Variants in HPCAL1 observed in about 807,000 individuals in gnomAD.
HPCAL1 encodes the protein hippocalcin like 1, also known as hippocalcin-like protein 1.
Under a neutral mutation model 17.1 loss-of-function variants are expected in HPCAL1, and 8 were observed. That is an observed-to-expected ratio of 0.47 (90% CI 0.27 to 0.84). The LOEUF is 0.84. HPCAL1 is among the 40% of genes least tolerant of loss of function. The pLI is 0.13. For synonymous variants in HPCAL1, 112 were observed against 111.4 expected (o/e 1.01, Z -0.03); for missense variants, 165 against 271.1 (o/e 0.61, Z 2.75).
At chr2:10,349,769 A>T (rs1357511108) in intron 1 of HPCAL1, among the ~76,000 whole-genome samples, 1 of 145,438 alleles carries the variant, frequency 6.9e-6, no homozygotes, top group Admixed American at 6.9e-5. Flanking sequence ...TTTCGTTTTG[A>T]CATAAAACGT....
chr2:10,325,737 T>C (rs1204886783), intron 1 of HPCAL1, among the ~76,000 whole-genome samples: 1 of 152,216 alleles, frequency 6.6e-6, no homozygotes, highest in African/African-American at 2.4e-5. Flanking sequence ...AGGTGCTTCA[T>C]CTTAAACATC....
At chr2:10,328,400 A>G (rs1228210830) in intron 1 of HPCAL1, among the ~76,000 whole-genome samples, 1 of 152,278 alleles carries the variant, frequency 6.6e-6, no homozygotes, top group Non-Finnish European at 1.5e-5. Context: ...AGGGATGCCC[A>G]GGTAGCTGGT....
intron 1 of HPCAL1, among the ~76,000 whole-genome samples, chr2:10,305,610 T>C (rs546357044): frequency 4.6e-5 from 7 of 152,212 alleles, no homozygotes; most frequent in African/African-American, 1.7e-4. Context: ...ATCCAATAAA[T>C]GGAAGGTCCT....
In HPCAL1 at chr2:10,367,531, C is replaced by T. The variant is rs1259015988; in HGVS notation, c.-110-29304C>T. 6.6e-6 allele frequency among the ~76,000 whole-genome samples: 1 copy of T among 152,140 alleles called. No individual in the cohort carries two copies. The highest frequency in any genetic ancestry group is 1.9e-4 in the East Asian group (1 of 5,186). On this transcript the variant is annotated intron_variant, in intron 1 of 4. Coordinates refer to ENST00000307845, the MANE Select transcript of HPCAL1 (RefSeq NM_002149.4). This position sits in a 1 kb window ranked among gnomAD's most constrained non-coding sequence, Gnocchi z 4.4. ...TGGGCTCAACTAAAATTTTAATCTC[C>T]AATTCATACATTTCAGAAAGTATAA...
At chr2:10,375,867 G>A (rs897842352) in intron 1 of HPCAL1, among the ~76,000 whole-genome samples, 1 of 152,216 alleles carries the variant, frequency 6.6e-6, no homozygotes, top group Non-Finnish European at 1.5e-5. Flanking sequence ...GAGAGTAGCT[G>A]CGGAGACAAT....
intron 1 of HPCAL1, among the ~76,000 whole-genome samples, chr2:10,366,838 G>A (rs1019711902): frequency 3.3e-5 from 5 of 152,180 alleles, no homozygotes; most frequent in Admixed American, 6.5e-5. Context: ...CACGGTGAAG[G>A]CACCAACTAT....
At chr2:10,404,749 G>A (rs921740158) in intron 2 of HPCAL1, among the ~76,000 whole-genome samples, 2 of 152,220 alleles carry the variant, frequency 1.3e-5, no homozygotes, top group African/African-American at 4.8e-5. Flanking sequence ...TCTCTTTGAA[G>A]AACAGGAGTT....
chr2:10,390,895 G>A (rs1015757699), intron 1 of HPCAL1, among the ~76,000 whole-genome samples: 3 of 152,202 alleles, frequency 2.0e-5, no homozygotes, highest in Admixed American at 2.0e-4. Context: ...CTGGAGTTGA[G>A]CGGAGAGTTC....
chr2:10,357,982 A>G (rs1558483623), intron 1 of HPCAL1, among the ~76,000 whole-genome samples: 1 of 152,230 alleles, frequency 6.6e-6, no homozygotes, highest in African/African-American at 2.4e-5. Context: ...CACCAGCCCC[A>G]GGGCTGAAAC....
Position 10,310,732 on chromosome 2 carries a change from G to A in HPCAL1, c.-111+7555G>A, listed in dbSNP as rs1202726109. ...TGCAGAGCATGGATCGGGTCTGGGAGTGTTCGTGCTGGCAGGCCGGAGGAG... is the reference window on the plus strand; with the variant it reads ...TGCAGAGCATGGATCGGGTCTGGGAATGTTCGTGCTGGCAGGCCGGAGGAG... On this transcript the variant is annotated intron_variant, in intron 1 of 4. Transcript: ENST00000307845. The surrounding 1 kb of genome is among the most constrained non-coding windows in gnomAD (Gnocchi z 4.5). Among the ~76,000 whole-genome samples the A allele has an allele frequency of 6.6e-6, 1 of 152,192 alleles. No homozygotes were observed. The highest frequency in any genetic ancestry group is 1.5e-5 in the Non-Finnish European group (1 of 68,040).
intron 3 of HPCAL1, 121 bp from the exon 4 acceptor site, chr2:10,422,862 A>G: frequency 1.5e-6 from 1 of 659,132 alleles, no homozygotes; most frequent in South Asian, 1.8e-5. Context: ...AAGGGTCCCG[A>G]AGGCCACCGG....
chr2:10,365,405 C>T lies in HPCAL1; in HGVS notation c.-110-31430C>T, dbSNP rs146674290. Reference sequence around the variant, plus strand: ...ACCTCGTGTCATGGAGATGGGCAGACGAGGTGCCAGCTATTTGAACGGACA... The same window carrying T: ...ACCTCGTGTCATGGAGATGGGCAGATGAGGTGCCAGCTATTTGAACGGACA... On this transcript the variant is annotated intron_variant, in intron 1 of 4. Transcript: ENST00000307845. This position sits in a 1 kb window ranked among gnomAD's most constrained non-coding sequence, Gnocchi z 4.8. Among the ~76,000 whole-genome samples, 21 of 152,250 alleles carry T rather than the reference C, an allele frequency of 1.4e-4. No individual in the cohort carries two copies. Among genetic ancestry groups the T allele is most frequent in the African/African-American group, 4.3e-4 (18 of 41,550 alleles).
intron 1 of HPCAL1, among the ~76,000 whole-genome samples, chr2:10,312,146 CCAT>C (rs551439908): frequency 4.6e-5 from 7 of 150,848 alleles, no homozygotes; most frequent in Admixed American, 1.3e-4. Flanking sequence ...TTCTCCATCA[CCAT>C]CATCATCATC....
At chr2:10,380,520 C>T (rs530287944) in intron 1 of HPCAL1, among the ~76,000 whole-genome samples, 3 of 152,362 alleles carry the variant, frequency 2.0e-5, no homozygotes, top group Non-Finnish European at 2.9e-5. Context: ...GGGGTGCTGA[C>T]TGCCATCACC....
intron 1 of HPCAL1, among the ~76,000 whole-genome samples, chr2:10,346,757 G>A (rs1007432918): frequency 2.6e-5 from 4 of 152,082 alleles, no homozygotes; most frequent in East Asian, 1.9e-4. Flanking sequence ...ACGAGACTGT[G>A]AGAGCTTCTC....
rs1466367051 is a variant in HPCAL1 at position 10,363,790 on chromosome 2, C to T, written c.-110-33045C>T. The stretch of plus-strand genomic sequence containing the variant: ...GGATCTCCAGTCCTTGTGTGGGCTG[C>T]GTGACCTTGGATGAGTTATTTCCCA... On this transcript the variant is annotated intron_variant, in intron 1 of 4. Coordinates refer to ENST00000307845, the MANE Select transcript of HPCAL1 (RefSeq NM_002149.4). The surrounding 1 kb of genome is among the most constrained non-coding windows in gnomAD (Gnocchi z 4.7). Among the ~76,000 whole-genome samples, 2 of 152,194 alleles carry T rather than the reference C, an allele frequency of 1.3e-5. No individual in the cohort carries two copies. Among genetic ancestry groups the T allele is most frequent in the Non-Finnish European group, 2.9e-5 (2 of 68,028 alleles).
chr2:10,420,231 T>TTTTTA, intron 3 of HPCAL1, 96 bp downstream of exon 3: 1 of 1,056,176 alleles, frequency 9.5e-7, no homozygotes, highest in Non-Finnish European at 1.3e-6. Flanking sequence ...TTTTTTTTTT[T>TTTTTA]AAGACAGGAA....
chr2:10,388,898 C>T (rs781204494), intron 1 of HPCAL1, among the ~76,000 whole-genome samples: 9 of 152,136 alleles, frequency 5.9e-5, no homozygotes, highest in East Asian at 1.9e-4. Context: ...TATTAGGAGG[C>T]GGGGCCTTTG....
intron 1 of HPCAL1, among the ~76,000 whole-genome samples, chr2:10,346,817 A>G (rs1264201970): frequency 6.7e-6 from 1 of 150,362 alleles, no homozygotes; most frequent in East Asian, 2.0e-4. Flanking sequence ...GTGCTCCTCC[A>G]CTGCTCCCTC....
Sources: allele counts gnomAD v4.1 joint callset (sites outside exome capture counted in the v4.1 genomes callset), GRCh38; gene constraint gnomAD v4.1.1; non-coding constraint Gnocchi (gnomAD v3.1); transcripts MANE v1.5; gene names NCBI Gene and HGNC (gene_info 2026-07-23, HGNC 2026-07-21).